BTRC: variants seen among roughly 807,000 people sequenced by gnomAD.
BTRC encodes the protein F-box/WD repeat-containing protein 1A.
BTRC carries 42 observed loss-of-function variants against 85.5 expected under a neutral mutation model. The ratio of observed to expected loss-of-function variants is 0.49; its 90% confidence interval spans 0.38 to 0.64. The LOEUF is 0.64. Ranked by LOEUF, BTRC falls within the 30% of genes least tolerant of loss-of-function variation. The pLI is 0.00. For synonymous variants in BTRC, 255 were observed against 263.3 expected (o/e 0.97, Z 0.30); for missense variants, 594 against 743.5 (o/e 0.80, Z 2.34).
At chr10:101,519,279 G>A (rs1269620764) in intron 4 of BTRC, among the ~76,000 whole-genome samples, 1 of 151,750 alleles carries the variant, frequency 6.6e-6, no homozygotes, top group East Asian at 1.9e-4. Context: ...AGGGTTTCAC[G>A]ATGTTGGCCA....
intron 1 of BTRC, among the ~76,000 whole-genome samples, chr10:101,372,667 A>C (rs12253645): frequency 1 from 149,064 of 149,560 alleles, 74,288 homozygotes; most frequent in Middle Eastern, 1. Flanking sequence ...GAGTTGGAGA[A>C]CAGCCTGACC....
Position 101,450,485 on chromosome 10 carries a change from G to C in BTRC, c.157-11496G>C, listed in dbSNP as rs148754040. ...CTATCCTTCTTATCAGAGTATCTCAGTGCTTAGTTGAGCTTGTTTATCTTA... is the reference window on the plus strand; with the variant it reads ...CTATCCTTCTTATCAGAGTATCTCACTGCTTAGTTGAGCTTGTTTATCTTA... On this transcript the variant is annotated intron_variant, in intron 2 of 14. Transcript: ENST00000370187. 2.0e-5 allele frequency among the ~76,000 whole-genome samples: 3 copies of C among 152,254 alleles called. No homozygotes were observed. In the East Asian group the frequency reaches 5.8e-4, roughly 29 times the overall value.
chr10:101,427,981 A>C (rs1014034942), intron 1 of BTRC, among the ~76,000 whole-genome samples: 3 of 152,194 alleles, frequency 2.0e-5, no homozygotes, highest in African/African-American at 7.2e-5. Context: ...GTAGAATGTG[A>C]TTCTCAACAG....
intron 1 of BTRC, among the ~76,000 whole-genome samples, chr10:101,404,002 GTATATATATATA>G (rs753639521): frequency 1.6e-5 from 1 of 61,760 alleles, no homozygotes; most frequent in African/African-American, 7.2e-5. Context: ...GTGTGTGTGT[GTATATATATATA>G]TATATATATA....
At chr10:101,535,229 AT>A (rs2134424427) in intron 10 of BTRC, 124 bp from the exon 11 acceptor site, 1 of 808,582 alleles carries the variant, frequency 1.2e-6, no homozygotes, top group South Asian at 1.7e-5. Flanking sequence ...CCTTTGTTTT[AT>A]TTGTTTGAGA....
intron 1 of BTRC, among the ~76,000 whole-genome samples, chr10:101,365,691 G>C (rs1047413198): frequency 2.0e-5 from 3 of 151,942 alleles, no homozygotes; most frequent in Non-Finnish European, 4.4e-5. Flanking sequence ...TGGCCAGGCT[G>C]GTCTTATACT....
chr10:101,407,771 G>A (rs1225162112), intron 1 of BTRC, among the ~76,000 whole-genome samples: 1 of 147,822 alleles, frequency 6.8e-6, no homozygotes, highest in Admixed American at 6.8e-5. Flanking sequence ...TCGCCAGGCT[G>A]GAGTGCAGTG....
intron 2 of BTRC, among the ~76,000 whole-genome samples, chr10:101,455,718 TGGTACAGAGACTTTGATGA>T (rs1332455184): frequency 6.6e-6 from 1 of 152,098 alleles, no homozygotes; most frequent in Non-Finnish European, 1.5e-5. Flanking sequence ...GTCATGTAAA[TGGTACAGAGACTTTGATGA>T]AGTGTTAAGT....
At chr10:101,402,498 T>C (rs1298828385) in intron 1 of BTRC, among the ~76,000 whole-genome samples, 3 of 152,148 alleles carry the variant, frequency 2.0e-5, no homozygotes, top group Non-Finnish European at 2.9e-5. Flanking sequence ...TAGGAGCTGC[T>C]CCCCCTCTTC....
chr10:101,411,433 G>A (rs10883642), intron 1 of BTRC, among the ~76,000 whole-genome samples: 55,430 of 152,032 alleles, frequency 0.36, 11,137 homozygotes, highest in Middle Eastern at 0.48. Context: ...CACCAGATAT[G>A]CATGTGTTAG....
At position 101,552,059 on chromosome 10, in the gene BTRC, T is replaced by A. The variant is rs531052349; in HGVS notation, c.*32-1096T>A. On this transcript the variant is annotated intron_variant, in intron 14 of 14. Coordinates refer to ENST00000370187, the MANE Select transcript of BTRC (RefSeq NM_033637.4). The stretch of plus-strand genomic sequence containing the variant: ...ATTTTCTCTTCCTTAGACTTCCGTG[T>A]TACTTTGCCATTTTTAATATTCTTC... Among the ~76,000 whole-genome samples the A allele has an allele frequency of 2.5e-3, 377 of 152,242 alleles. 3 individuals carry two copies. Among genetic ancestry groups the A allele is most frequent in the African/African-American group, 8.4e-3 (350 of 41,548 alleles).
chr10:101,526,802 A>C (rs1375387473), intron 6 of BTRC, among the ~76,000 whole-genome samples: 2 of 152,184 alleles, frequency 1.3e-5, no homozygotes, highest in African/African-American at 4.8e-5. Context: ...GTGGAATAAG[A>C]ACTCTAGCCA....
In BTRC at chr10:101,366,785, TA is replaced by T. The variant is rs1414808047; in HGVS notation, c.48+12558del. Among the ~76,000 whole-genome samples, 300 of 97,838 alleles carry T rather than the reference TA, an allele frequency of 3.1e-3. 10 individuals are homozygous for T. Among genetic ancestry groups the T allele is most frequent in the African/African-American group, 0.01 (283 of 27,758 alleles). 64.2% of individuals were successfully genotyped at this position (97,838 alleles called of 152,430 possible). ...ATCTAGTTATATATATATATATATA[TA>T]TATTTTTACATTTATATATATATTT... is the stretch of plus-strand genomic sequence containing the variant. On this transcript the variant is annotated intron_variant, in intron 1 of 14. Transcript: ENST00000370187.
At chr10:101,385,618 C>CTTTTTTTTT (rs36030307) in intron 1 of BTRC, among the ~76,000 whole-genome samples, 9,991 of 78,004 alleles carry the variant, frequency 0.13, 885 homozygotes, top group Non-Finnish European at 0.18. Flanking sequence ...TCTTCTTCTT[C>CTTTTTTTTT]TTTTTTTTTT....
intron 1 of BTRC, among the ~76,000 whole-genome samples, chr10:101,399,321 CTTTTTT>C (rs10610835): frequency 4.7e-5 from 6 of 128,056 alleles, no homozygotes; most frequent in Admixed American, 1.6e-4. Context: ...CTAGAATCAC[CTTTTTT>C]TTTTTTTTTT....
At chr10:101,464,379 C>T (rs533136259) in intron 3 of BTRC, among the ~76,000 whole-genome samples, 2 of 152,258 alleles carry the variant, frequency 1.3e-5, no homozygotes, top group South Asian at 4.2e-4. Flanking sequence ...TAATCTGATT[C>T]ATTTTAAAAA....
chr10:101,544,948 G>T (rs2062536218), intron 13 of BTRC, among the ~76,000 whole-genome samples: 1 of 151,864 alleles, frequency 6.6e-6, no homozygotes, highest in African/African-American at 2.4e-5. Flanking sequence ...CAACTTTTGG[G>T]TGGCTGAGGT....
At chr10:101,418,661 C>T (rs1336975056) in intron 1 of BTRC, among the ~76,000 whole-genome samples, 1 of 151,290 alleles carries the variant, frequency 6.6e-6, no homozygotes, top group Non-Finnish European at 1.5e-5. Flanking sequence ...TATTTTTTCT[C>T]CCTGGCTGTA....
chr10:101,390,353 TCCG>T, intron 1 of BTRC, among the ~76,000 whole-genome samples: 1 of 142,672 alleles, frequency 7.0e-6, no homozygotes, highest in Admixed American at 7.0e-5. Context: ...TTTTTTTTTT[TCCG>T]AGACGGAGTC....
Sources: allele counts gnomAD v4.1 joint callset (sites outside exome capture counted in the v4.1 genomes callset), GRCh38; gene constraint gnomAD v4.1.1; transcripts MANE v1.5; gene names NCBI Gene and HGNC (gene_info 2026-07-23, HGNC 2026-07-21).